Variants in KCNN2 observed in about 807,000 individuals in gnomAD.
The protein encoded by KCNN2 is small conductance calcium-activated potassium channel protein 2.
KCNN2 carries 24 observed loss-of-function variants against 55.5 expected under a neutral mutation model. The observed-to-expected ratio is 0.43, with a 90% confidence interval of 0.31 to 0.61. KCNN2 has a LOEUF of 0.61. Among genes scored for constraint, KCNN2 ranks in the 20% least tolerant of loss-of-function variants. KCNN2 has a pLI of 0.08. For missense variants in KCNN2, 754 were observed against 853.6 expected (o/e 0.88, Z 1.45); for synonymous variants, 431 against 336.1 (o/e 1.28, Z -3.09).
intron 1 of KCNN2, among the ~76,000 whole-genome samples, chr5:114,173,812 G>C (rs1031999338): frequency 5.3e-5 from 8 of 151,646 alleles, no homozygotes; most frequent in African/African-American, 1.9e-4. Context: ...CAATCATCAT[G>C]TCTAAAAGTA....
At chr5:114,346,414 T>A (rs1015721515) in intron 2 of KCNN2, among the ~76,000 whole-genome samples, 2 of 152,182 alleles carry the variant, frequency 1.3e-5, no homozygotes, top group African/African-American at 4.8e-5. Flanking sequence ...GTGAGTAAAT[T>A]TGTTTTCTGT....
upstream of KCNN2, among the ~76,000 whole-genome samples, chr5:114,359,115 GATAA>G (rs1395931500): frequency 6.6e-6 from 1 of 152,188 alleles, no homozygotes. Context: ...ACAGAAAGCC[GATAA>G]ATGTCTGATT....
chr5:114,477,507 A>G (rs1762024091), intron 5 of KCNN2, among the ~76,000 whole-genome samples: 2 of 152,188 alleles, frequency 1.3e-5, no homozygotes, highest in Non-Finnish European at 2.9e-5. Context: ...CAATTCAAAA[A>G]TGGCCGACAG....
chr5:114,413,403 G>C (rs577676090), intron 3 of KCNN2, among the ~76,000 whole-genome samples: 2 of 152,234 alleles, frequency 1.3e-5, no homozygotes, highest in South Asian at 4.1e-4. Context: ...TCCTGCCTCA[G>C]CCTCCCAAGT....
chr5:114,422,224 C>T (rs1225347600), intron 3 of KCNN2, among the ~76,000 whole-genome samples: 1 of 152,106 alleles, frequency 6.6e-6, no homozygotes, highest in Non-Finnish European at 1.5e-5. Flanking sequence ...TTTATGTTCC[C>T]CCAAAATTCA....
intron 1 of KCNN2, among the ~76,000 whole-genome samples, chr5:114,090,565 A>C (rs1423720219): frequency 4.3e-5 from 5 of 115,646 alleles, no homozygotes; most frequent in African/African-American, 8.4e-5. Flanking sequence ...CTCTCTCTAT[A>C]TATATATGTA....
chr5:114,232,851 G>A (rs1255334598), intron 2 of KCNN2, among the ~76,000 whole-genome samples: 1 of 150,048 alleles, frequency 6.7e-6, no homozygotes, highest in East Asian at 1.9e-4. Flanking sequence ...GCTGATCATG[G>A]AAGCAGGAGG....
chr5:114,202,690 C>T (rs1753699612), intron 1 of KCNN2, among the ~76,000 whole-genome samples: 2 of 150,560 alleles, frequency 1.3e-5, no homozygotes, highest in African/African-American at 4.9e-5. Context: ...GGGTTCACGC[C>T]ATTCTCCTGC....
intron 2 of KCNN2, among the ~76,000 whole-genome samples, chr5:114,286,017 T>G (rs1755741342): frequency 6.6e-6 from 1 of 151,714 alleles, no homozygotes; most frequent in Non-Finnish European, 1.5e-5. Context: ...CGTCCTGGGT[T>G]CAAGCGATTA....
intron 2 of KCNN2, among the ~76,000 whole-genome samples, chr5:114,311,130 G>A (rs762967098): frequency 1.3e-5 from 2 of 151,744 alleles, no homozygotes; most frequent in African/African-American, 4.9e-5. Flanking sequence ...CTGACCTTGC[G>A]TCTCTTTGCA....
intron 2 of KCNN2, among the ~76,000 whole-genome samples, chr5:114,322,856 C>T (rs1269778239): frequency 1.3e-5 from 2 of 152,126 alleles, no homozygotes; most frequent in African/African-American, 2.4e-5. Flanking sequence ...AGGTGTGTTA[C>T]ATAGGTAAAC....
At chr5:114,259,212 A>G (rs920563165) in intron 2 of KCNN2, among the ~76,000 whole-genome samples, 1 of 152,156 alleles carries the variant, frequency 6.6e-6, no homozygotes, top group Non-Finnish European at 1.5e-5. Flanking sequence ...CTTTCTCCCA[A>G]CAGGAGCTCT....
upstream of KCNN2, among the ~76,000 whole-genome samples, chr5:114,359,043 C>G (rs1757355093): frequency 6.6e-6 from 1 of 152,152 alleles, no homozygotes; most frequent in South Asian, 2.1e-4. Flanking sequence ...GTTTACCACA[C>G]TCTCAATATA....
At chr5:114,182,013 C>T (rs1446833239) in intron 1 of KCNN2, among the ~76,000 whole-genome samples, 1 of 150,530 alleles carries the variant, frequency 6.6e-6, no homozygotes, top group Non-Finnish European at 1.5e-5. Context: ...GAAGCTGTGT[C>T]AAAAAAAAAA....
At chr5:114,165,231 C>T (rs1205489467) in intron 1 of KCNN2, among the ~76,000 whole-genome samples, 1 of 152,060 alleles carries the variant, frequency 6.6e-6, no homozygotes, top group African/African-American at 2.4e-5. Flanking sequence ...CTTTCACTTC[C>T]TCCACCTCCT....
chr5:114,241,453 A>G (rs963220939), intron 2 of KCNN2, among the ~76,000 whole-genome samples: 2 of 151,700 alleles, frequency 1.3e-5, no homozygotes, highest in Admixed American at 6.6e-5. Flanking sequence ...GAATCTAAAT[A>G]AATGGACTGG....
chr5:114,459,392 T>C (rs1209171559), intron 3 of KCNN2, among the ~76,000 whole-genome samples: 3 of 152,222 alleles, frequency 2.0e-5, no homozygotes, highest in Admixed American at 6.5e-5. Context: ...AAGGTTGGAA[T>C]TGTCTAAGTA....
chr5:114,475,616 C>A (rs116755257), intron 5 of KCNN2, among the ~76,000 whole-genome samples: 1 of 151,966 alleles, frequency 6.6e-6, no homozygotes, highest in East Asian at 1.9e-4. Context: ...GAATCACATT[C>A]GAGTATTCCA....
intron 3 of KCNN2, among the ~76,000 whole-genome samples, chr5:114,437,729 C>T (rs920153065): frequency 1.3e-5 from 2 of 152,088 alleles, no homozygotes; most frequent in Non-Finnish European, 2.9e-5. Context: ...GTAGGACTCT[C>T]TGGTGTAAAA....
Sources: allele counts gnomAD v4.1 joint callset (sites outside exome capture counted in the v4.1 genomes callset), GRCh38; gene constraint gnomAD v4.1.1; transcripts MANE v1.5; gene names NCBI Gene and HGNC (gene_info 2026-07-23, HGNC 2026-07-21).